Variants in AP3S2 observed in about 807,000 individuals in gnomAD.
The protein encoded by AP3S2 is AP-3 complex subunit sigma-2.
A neutral mutation model predicts 23.4 loss-of-function variants in AP3S2; 22 were observed. The ratio of observed to expected loss-of-function variants is 0.94; its 90% confidence interval spans 0.67 to 1.34. The LOEUF (loss-of-function observed/expected upper bound fraction) is 1.34, where lower values mean the gene tolerates loss of function less well. Among genes scored for constraint, AP3S2 ranks in the 40% most tolerant of loss-of-function variants. AP3S2 has a pLI of 0.00. For missense variants in AP3S2, 241 were observed against 236.9 expected (o/e 1.02, Z -0.11); for synonymous variants, 86 against 87.1 (o/e 0.99, Z 0.07).
intron 3 of AP3S2, chr15:89,883,820 G>A (rs1596220330): frequency 1.3e-5 from 2 of 152,324 alleles, no homozygotes; most frequent in East Asian, 1.9e-4. Flanking sequence ...GAAAGGGGAA[G>A]AAGGATATTT....
intron 3 of AP3S2, among the ~76,000 whole-genome samples, 164 bp from the exon 4 acceptor site, chr15:89,871,710 C>T (rs984790460): frequency 6.6e-6 from 1 of 152,196 alleles, no homozygotes; most frequent in African/African-American, 2.4e-5. Flanking sequence ...TAGCTGATCA[C>T]CCTACTTATC....
chr15:89,877,735 C>T (rs1008736449), intron 3 of AP3S2, among the ~76,000 whole-genome samples: 3 of 151,794 alleles, frequency 2.0e-5, no homozygotes, highest in Middle Eastern at 3.2e-3. Context: ...GTGGAGGTCA[C>T]GGTGAACCAA....
Position 89,850,970 on chromosome 15 carries a change from C to T in AP3S2, c.346-13248G>A, listed in dbSNP as rs1159359293. The stretch of plus-strand genomic sequence containing the variant: ...GCTCAAGCAATCCTTCTGTTTCAAC[C>T]TCCCAGAGTGCTGGGATTACAGCAC... On this transcript the variant is annotated intron_variant, in intron 4 of 5. Transcript: ENST00000336418. Among the ~76,000 whole-genome samples the T allele has an allele frequency of 2.6e-5, 4 of 152,276 alleles. No homozygotes were observed. In the East Asian group the frequency reaches 7.7e-4, roughly 29 times the overall value.
intron 4 of AP3S2, among the ~76,000 whole-genome samples, chr15:89,868,801 C>T (rs1896234383): frequency 7.9e-6 from 1 of 127,212 alleles, no homozygotes; most frequent in Non-Finnish European, 1.7e-5. Flanking sequence ...CGGCCAGCCG[C>T]CCCGTCCGGG....
At chr15:89,877,427 G>A (rs1223179031) in intron 3 of AP3S2, 1 of 1,282,754 alleles carries the variant, frequency 7.8e-7, no homozygotes. Flanking sequence ...TTTTTAAGCT[G>A]TGGTAAAATA....
chr15:89,835,873 C>T (rs1472263723), intron 5 of AP3S2, among the ~76,000 whole-genome samples: 2 of 152,080 alleles, frequency 1.3e-5, no homozygotes, highest in East Asian at 1.9e-4. Flanking sequence ...ACCAAAAATA[C>T]AAAAATTGGC....
chr15:89,886,065 T>C (rs1016883360), intron 3 of AP3S2, among the ~76,000 whole-genome samples: 1 of 151,182 alleles, frequency 6.6e-6, no homozygotes, highest in African/African-American at 2.4e-5. Flanking sequence ...ATTATAAAGT[T>C]AGAGGCCGGG....
In AP3S2 at chr15:89,889,157, TAAGTGAATCAGTGGGC is replaced by T; in HGVS notation, c.70-33_70-18del. On this transcript the variant is annotated intron_variant, in intron 1 of 5. Coordinates refer to ENST00000336418, the MANE Select transcript of AP3S2 (RefSeq NM_005829.5). ...TTCTTCTGGCTATGAAACAAAAAGATAAGTGAATCAGTGGGCAAGCCTGAAAAACTACATCCCATCC... is the reference window on the plus strand; with the variant it reads ...TTCTTCTGGCTATGAAACAAAAAGATAAGCCTGAAAAACTACATCCCATCC... The T allele has an allele frequency of 6.2e-7, 1 of 1,613,988 alleles. No homozygotes were observed. The highest frequency in any genetic ancestry group is 8.5e-7 in the Non-Finnish European group (1 of 1,179,966).
intron 4 of AP3S2, among the ~76,000 whole-genome samples, chr15:89,855,942 C>CT (rs1297486773): frequency 2.2e-5 from 2 of 89,968 alleles, no homozygotes; most frequent in Non-Finnish European, 4.3e-5. Flanking sequence ...ATGATATGTC[C>CT]TTTAAAAAAA....
rs1171575172 is a variant in AP3S2, at chr15:89,868,326, G to A, written c.345+3149C>T. On this transcript the variant is annotated intron_variant, in intron 4 of 5. Coordinates refer to ENST00000336418, the MANE Select transcript of AP3S2 (RefSeq NM_005829.5). ...GCCCCTCTGCCCGGCCAGCCGCCCC[G>A]TCCGGGAGGGAGGTGGAGGGGTCAG... is the stretch of plus-strand genomic sequence containing the variant. Among the ~76,000 whole-genome samples the A allele has an allele frequency of 6.4e-5, 6 of 93,812 alleles. No individual in the cohort carries two copies. The East Asian group carries it at 1.6e-3, about 24-fold the overall frequency. 61.5% of individuals were successfully genotyped at this position (93,812 alleles called of 152,430 possible). A position where few individuals can be genotyped will look rare whatever the true frequency, so the allele number is the denominator to read the frequency against.
At chr15:89,850,913 C>T (rs559260567) in intron 4 of AP3S2, among the ~76,000 whole-genome samples, 264 of 152,192 alleles carry the variant, frequency 1.7e-3, no homozygotes, top group Non-Finnish European at 3.0e-3. Context: ...CAGGGTTTCA[C>T]CATGTTACCC....
chr15:89,848,385 G>A (rs1466870928), intron 4 of AP3S2, among the ~76,000 whole-genome samples: 1 of 152,228 alleles, frequency 6.6e-6, no homozygotes, highest in Non-Finnish European at 1.5e-5. Flanking sequence ...ATTTGATACA[G>A]AGTCTCGCTC....
At chr15:89,851,382 A>T (rs1895649470) in intron 4 of AP3S2, among the ~76,000 whole-genome samples, 1 of 151,116 alleles carries the variant, frequency 6.6e-6, no homozygotes, top group Non-Finnish European at 1.5e-5. Flanking sequence ...TCTGTCCCCC[A>T]GGCTGGAGTG....
rs145605498 is a variant in AP3S2 at position 89,858,699 on chromosome 15, C to T, written c.345+12776G>A. ...TCAGCAACCAAAGCAAAATACAATT[C>T]GTTTTATCTGCAACATATCCAAGTA... On this transcript the variant is annotated intron_variant, in intron 4 of 5. Coordinates refer to ENST00000336418, the MANE Select transcript of AP3S2 (RefSeq NM_005829.5). Among the ~76,000 whole-genome samples the T allele has an allele frequency of 7.6e-4, 116 of 152,252 alleles. No individual in the cohort carries two copies. In the Middle Eastern group the frequency reaches 0.01, roughly 13 times the overall value.
At chr15:89,869,465 C>T (rs1418043358) in intron 4 of AP3S2, among the ~76,000 whole-genome samples, 8 of 146,186 alleles carry the variant, frequency 5.5e-5, no homozygotes, top group Admixed American at 4.1e-4. Context: ...CCTAGGAAAA[C>T]CAGAGACCTT....
In AP3S2 at chr15:89,891,021, T is replaced by C. The variant is rs150906661; in HGVS notation, c.70-1881A>G. ...GGAGACGAACTCTATATATGCAAAA[T>C]ACAAAACATGCTAAGCATCAGCACT... On this transcript the variant is annotated intron_variant, in intron 1 of 5. Transcript: ENST00000336418. 3.4e-3 allele frequency among the ~76,000 whole-genome samples: 514 copies of C among 152,268 alleles called. 1 individual carries two copies. Among genetic ancestry groups the C allele is most frequent in the East Asian group, 0.015 (77 of 5,184 alleles).
In AP3S2 at chr15:89,831,914, A is replaced by C. The variant is rs1895085201; in HGVS notation, c.*3601T>G. 6.6e-6 allele frequency: 1 copy of C among 152,246 alleles called. No individual in the cohort carries two copies. The highest frequency in any genetic ancestry group is 1.5e-5 in the Non-Finnish European group (1 of 68,066). The allele number at this position is 152,246 out of a possible 1,614,324, so 9.4% of individuals were successfully genotyped here. The stretch of plus-strand genomic sequence containing the variant: ...TGGGTTACTGTCCTCTAAATATTCC[A>C]TATATCACAAAGTTACTGACTGCGG... On this transcript the variant is annotated 3_prime_UTR_variant, in exon 6 of 6. Transcript: ENST00000336418.
At chr15:89,854,542 G>T (rs1412457411) in intron 4 of AP3S2, among the ~76,000 whole-genome samples, 1 of 88,896 alleles carries the variant, frequency 1.1e-5, no homozygotes, top group South Asian at 4.7e-4. Flanking sequence ...CCCCCCGCCC[G>T]GCCAGCCGCC....
chr15:89,888,361 A>C (rs915980999), intron 3 of AP3S2, among the ~76,000 whole-genome samples, 160 bp downstream of exon 3: 3 of 152,224 alleles, frequency 2.0e-5, no homozygotes, highest in African/African-American at 7.2e-5. Context: ...AAAAGTGCTG[A>C]GGGTTTCTCA....
Sources: allele counts gnomAD v4.1 joint callset (sites outside exome capture counted in the v4.1 genomes callset), GRCh38; gene constraint gnomAD v4.1.1; transcripts MANE v1.5; gene names NCBI Gene and HGNC (gene_info 2026-07-23, HGNC 2026-07-21).